TRPM6: variants seen among roughly 807,000 people sequenced by gnomAD.
The protein encoded by TRPM6 is transient receptor potential cation channel subfamily M member 6, also known as channel kinase 2.
In TRPM6, 111 loss-of-function variants were observed where a neutral mutation model predicts 247.6. That is an observed-to-expected ratio of 0.45 (90% CI 0.38 to 0.52). The LOEUF (loss-of-function observed/expected upper bound fraction) is 0.52, where lower values mean the gene tolerates loss of function less well. TRPM6 is among the 20% of genes least tolerant of loss of function. The pLI is 0.00. For missense variants in TRPM6, 2,126 were observed against 2,421.5 expected (o/e 0.88, Z 2.56); for synonymous variants, 892 against 853.8 (o/e 1.04, Z -0.78).
intron 25 of TRPM6, among the ~76,000 whole-genome samples, chr9:74,767,026 T>C (rs1190297024): frequency 3.3e-5 from 5 of 152,198 alleles, no homozygotes; most frequent in African/African-American, 1.2e-4. Flanking sequence ...TGCCTTCTGG[T>C]ACCTCTCAGC....
intron 23 of TRPM6, among the ~76,000 whole-genome samples, chr9:74,779,977 G>T (rs1221008852): frequency 2.6e-5 from 4 of 151,234 alleles, no homozygotes; most frequent in African/African-American, 4.9e-5. Flanking sequence ...TTCAAGACCA[G>T]CCTGGCCAAT....
In TRPM6 at chr9:74,747,906, C is replaced by A; in HGVS notation, c.5066G>T (p.Ser1689Ile). 6.2e-7 allele frequency: 1 copy of A among 1,610,406 alleles called. No individual in the cohort carries two copies. Among genetic ancestry groups the A allele is most frequent in the Non-Finnish European group, 8.5e-7 (1 of 1,178,078 alleles). ...TNLNRNSLLK[S>I]SIGVDKISAS... The stretch of plus-strand genomic sequence containing the variant: ...AAACTTACTGTCAACTCCAATTGAA[C>A]TTTTCAGCCTGTTTGAAAAAAAAAT... The change falls in exon 31 of 39, where the codon AGT (serine) becomes ATT (isoleucine). Residue 1689 changes from serine to isoleucine, a missense_variant. Ser to Ile is a moderately radical substitution (Grantham distance 142, BLOSUM62 -2). This residue lies in a region of TRPM6 where 717 missense variants were observed against 715.9 expected (regional missense o/e 1.00). Coordinates refer to ENST00000360774, the MANE Select transcript of TRPM6 (RefSeq NM_017662.5).
At chr9:74,798,699 G>A (rs1001396184) in intron 17 of TRPM6, among the ~76,000 whole-genome samples, 1 of 152,144 alleles carries the variant, frequency 6.6e-6, no homozygotes, top group Non-Finnish European at 1.5e-5. Context: ...ATTTGCAAAT[G>A]TGTTTCTAAA....
intron 19 of TRPM6, among the ~76,000 whole-genome samples, chr9:74,791,625 G>T (rs1468281705): frequency 6.6e-6 from 1 of 152,156 alleles, no homozygotes; most frequent in Non-Finnish European, 1.5e-5. Context: ...TGTTCACACA[G>T]TTCAGCTTCT....
At chr9:74,814,689 G>T (rs761515715) in intron 11 of TRPM6, among the ~76,000 whole-genome samples, 6 of 152,168 alleles carry the variant, frequency 3.9e-5, no homozygotes, top group Non-Finnish European at 8.8e-5. Context: ...TTGAGGCTCA[G>T]CCTATAATCC....
At chr9:74,793,405 T>C (rs530741922) in intron 18 of TRPM6, among the ~76,000 whole-genome samples, 317 of 152,190 alleles carry the variant, frequency 2.1e-3, no homozygotes, top group Non-Finnish European at 3.5e-3. Context: ...TGGGGTGCAA[T>C]GGCGTGGTCT....
intron 3 of TRPM6, among the ~76,000 whole-genome samples, chr9:74,853,791 C>T (rs1024862336): frequency 6.6e-5 from 10 of 152,146 alleles, no homozygotes; most frequent in African/African-American, 2.2e-4. Context: ...CTGAGCTTCC[C>T]TCCACTATTG....
intron 16 of TRPM6, 109 bp from the exon 17 acceptor site, chr9:74,800,591 A>C: frequency 1.3e-6 from 1 of 783,302 alleles, no homozygotes; most frequent in East Asian, 2.7e-5. Context: ...TGTGAGGCTC[A>C]GAAAATATCA....
chr9:74,803,980 C>T, intron 14 of TRPM6, 94 bp from the exon 15 acceptor site: 5 of 820,628 alleles, frequency 6.1e-6, no homozygotes, highest in South Asian at 2.7e-5. Context: ...ATAGTGGTAA[C>T]AATATTTTAT....
chr9:74,837,752 T>TCC (rs1564039441), intron 5 of TRPM6, among the ~76,000 whole-genome samples: 6 of 142,908 alleles, frequency 4.2e-5, no homozygotes, highest in African/African-American at 1.6e-4. Flanking sequence ...GGCCCCCTTT[T>TCC]TTTTTTTTTT....
rs192368517 is a variant in TRPM6 at position 74,868,417 on chromosome 9, C to T, written c.34-9669G>A. The stretch of plus-strand genomic sequence containing the variant: ...GGCTGAGGCAGGAGAATCATTTGAA[C>T]CCAGGAGGTGGAGGTTGCAGTGAGC... On this transcript the variant is annotated intron_variant, in intron 1 of 38. Transcript: ENST00000360774. Among the ~76,000 whole-genome samples, 597 of 152,008 alleles carry T rather than the reference C, an allele frequency of 3.9e-3. 4 individuals carry two copies. Among genetic ancestry groups the T allele is most frequent in the African/African-American group, 0.014 (569 of 41,452 alleles).
chr9:74,732,818 A>C, intron 36 of TRPM6, 82 bp from the exon 37 acceptor site: 1 of 1,082,480 alleles, frequency 9.2e-7, no homozygotes, highest in Non-Finnish European at 1.4e-6. Flanking sequence ...TTAAATTCTA[A>C]TTTCTTAATT....
At chr9:74,745,822 G>A (rs925407329) in intron 31 of TRPM6, among the ~76,000 whole-genome samples, 1 of 152,152 alleles carries the variant, frequency 6.6e-6, no homozygotes, top group African/African-American at 2.4e-5. Flanking sequence ...TGCCATTTGA[G>A]CAAGAGTGAC....
intron 28 of TRPM6, among the ~76,000 whole-genome samples, chr9:74,754,252 G>A (rs1826363655): frequency 6.6e-6 from 1 of 152,124 alleles, no homozygotes; most frequent in East Asian, 1.9e-4. Flanking sequence ...TTGAGGGGGT[G>A]CTGACTAATT....
At chr9:74,764,145 A>T (rs1039873559) in intron 25 of TRPM6, among the ~76,000 whole-genome samples, 3 of 152,006 alleles carry the variant, frequency 2.0e-5, no homozygotes, top group African/African-American at 7.2e-5. Context: ...AAAAAAGTAA[A>T]AATTAATTTA....
Position 74,739,898 on chromosome 9 carries a change from G to C in TRPM6, c.5312C>G (p.Ser1771Cys). The C allele has an allele frequency of 6.2e-7, 1 of 1,614,064 alleles. No individual in the cohort carries two copies. The highest frequency in any genetic ancestry group is 1.1e-5 in the South Asian group (1 of 91,072). ...GAGGCCCCCATCCATCTCCTCTCGG[G>C]ACAATACCTGGATCATTGCCGCTCT... ...RGRAAMIQVL[S>C]REEMDGGLRK... is the part of the protein sequence containing the mutation. The change falls in exon 34 of 39, where the codon TCC becomes TGC. Residue 1771 changes from serine (S) to cysteine (C), a missense_variant. Coordinates refer to ENST00000360774, the MANE Select transcript of TRPM6 (RefSeq NM_017662.5).
At chr9:74,793,186 C>A (rs1190129456) in intron 18 of TRPM6, among the ~76,000 whole-genome samples, 1 of 151,936 alleles carries the variant, frequency 6.6e-6, no homozygotes, top group Non-Finnish European at 1.5e-5. Context: ...CACCCACATG[C>A]CAAATTATAA....
intron 28 of TRPM6, among the ~76,000 whole-genome samples, chr9:74,755,085 C>T (rs1487781897): frequency 6.6e-6 from 1 of 152,220 alleles, no homozygotes; most frequent in Non-Finnish European, 1.5e-5. Context: ...CTCGATAAAA[C>T]ACTCTGAGTC....
At chr9:74,878,959 TC>T (rs1831275181) in intron 1 of TRPM6, among the ~76,000 whole-genome samples, 1 of 152,126 alleles carries the variant, frequency 6.6e-6, no homozygotes, top group African/African-American at 2.4e-5. Flanking sequence ...ACCACTGGAA[TC>T]CAGCCTTGGC....
Sources: gnomAD v4.1 joint callset for allele counts (sites outside exome capture counted in the v4.1 genomes callset) on GRCh38, gnomAD v4.1.1 for gene constraint, gnomAD v4.1.1 regional missense constraint, MANE v1.5 for transcripts, NCBI Gene and HGNC (gene_info 2026-07-23, HGNC 2026-07-21) for gene names.